Variants in IFT74 observed in about 807,000 individuals in gnomAD.
The protein encoded by IFT74 is intraflagellar transport 74.
Under a neutral mutation model 96.7 loss-of-function variants are expected in IFT74, and 92 were observed. The ratio of observed to expected loss-of-function variants is 0.95; its 90% CI spans 0.80 to 1.13. The LOEUF is 1.13. Ranked by LOEUF, IFT74 falls within the 50% of genes most tolerant of loss-of-function variation. The probability of loss-of-function intolerance (pLI) is 0.00; values close to 1 mark genes in which losing one functional copy is unlikely to be tolerated. For synonymous variants in IFT74, 223 were observed against 213.2 expected, an observed-to-expected ratio of 1.05 and a Z score of -0.40; for missense variants, 811 against 698.2, an observed-to-expected ratio of 1.16 and a Z score of -1.82.
At chr9:27,028,956 C>G in intron 12 of IFT74, 69 bp from the exon 13 acceptor site, 4 of 1,371,162 alleles carry the variant, frequency 2.9e-6, no homozygotes, top group Non-Finnish European at 4.0e-6. Context: ...GATATCTAAC[C>G]TCCCCATCAA....
In IFT74 at chr9:27,062,777, C is replaced by A; in HGVS notation, c.*41C>A. ...AAGTCTCTAAGGAAGTATCCTCTTGCTGCTAAACTTGGTACAAGTTGACTA... is the reference window on the plus strand; with the variant it reads ...AAGTCTCTAAGGAAGTATCCTCTTGATGCTAAACTTGGTACAAGTTGACTA... On this transcript the variant is annotated 3_prime_UTR_variant, in exon 20 of 20. Coordinates refer to ENST00000380062, the MANE Select transcript of IFT74 (RefSeq NM_025103.4). The A allele has an allele frequency of 9.7e-7, 1 of 1,036,198 alleles. No individual in the cohort carries two copies. The highest frequency in any genetic ancestry group is 1.4e-6 in the Non-Finnish European group (1 of 695,934). 64.2% of individuals were successfully genotyped at this position (1,036,198 alleles called of 1,614,324 possible). A position where few individuals can be genotyped will look rare whatever the true frequency, so the allele number is the denominator to read the frequency against.
intron 13 of IFT74, among the ~76,000 whole-genome samples, chr9:27,036,098 A>G (rs1250025636): frequency 1.3e-5 from 2 of 152,270 alleles, no homozygotes; most frequent in South Asian, 2.1e-4. Flanking sequence ...TAAGAGAACT[A>G]TAAAGATTTT....
chr9:27,046,390 G>A (rs532597706), intron 14 of IFT74, among the ~76,000 whole-genome samples: 2 of 152,220 alleles, frequency 1.3e-5, no homozygotes, highest in East Asian at 3.9e-4. Flanking sequence ...CAGAAGGCAA[G>A]CTATTGATGT....
chr9:27,032,667 A>G (rs1026453736), intron 13 of IFT74, among the ~76,000 whole-genome samples: 4 of 151,972 alleles, frequency 2.6e-5, no homozygotes, highest in Non-Finnish European at 4.4e-5. Flanking sequence ...GGAGTTCGAG[A>G]CCAGCCTGAC....
At chr9:26,999,604 A>T in intron 8 of IFT74, 1 of 1,564,028 alleles carries the variant, frequency 6.4e-7, no homozygotes, top group Non-Finnish European at 8.7e-7. Context: ...TTTTGATTGT[A>T]AAAACTTACT....
intron 8 of IFT74, chr9:26,997,823 T>G (rs1258113949): frequency 1.2e-6 from 2 of 1,614,170 alleles, no homozygotes; most frequent in Non-Finnish European, 1.7e-6. Flanking sequence ...TAATTCCAGA[T>G]GAAATAGTGG....
chr9:27,012,127 A>T lies in IFT74; in HGVS notation c.789+159A>T, dbSNP rs1383338568. ...CCTATTCTGGACCCACAAAGATCCT[A>T]GTATGGTAAGAAATTAGATTCAGTT... On this transcript the variant is annotated intron_variant, in intron 10 of 19. Coordinates refer to ENST00000380062, the MANE Select transcript of IFT74 (RefSeq NM_025103.4). 6.6e-5 allele frequency among the ~76,000 whole-genome samples: 10 copies of T among 152,330 alleles called. No homozygotes were observed. In the East Asian group the frequency reaches 1.5e-3, roughly 23 times the overall value.
chr9:27,055,606 C>T lies in IFT74; in HGVS notation c.1334-3C>T. On this transcript the variant is annotated splice_polypyrimidine_tract_variant and splice_region_variant and intron_variant, in intron 16 of 19. Transcript: ENST00000380062. ...ATTATCACCTTAAATTCTTATGTTTCAGACATTCAACGTCTGCAGTTGGAT... is the reference window on the plus strand; with the variant it reads ...ATTATCACCTTAAATTCTTATGTTTTAGACATTCAACGTCTGCAGTTGGAT... The T allele has an allele frequency of 6.4e-6, 10 of 1,566,762 alleles. No individual in the cohort carries two copies. Among genetic ancestry groups the T allele is most frequent in the Non-Finnish European group, 8.6e-6 (10 of 1,162,306 alleles).
chr9:26,963,205 G>T (rs556774528), intron 2 of IFT74, among the ~76,000 whole-genome samples: 2 of 151,394 alleles, frequency 1.3e-5, no homozygotes, highest in African/African-American at 4.9e-5. Context: ...GAGAATATGC[G>T]GTGTTTGGTT....
rs554756773 is a variant in IFT74 at position 26,995,903 on chromosome 9, A to C, written c.587+5708A>C. The C allele has an allele frequency of 6.5e-6, 8 of 1,238,030 alleles. No homozygotes were observed. The African/African-American group carries it at 1.2e-4, about 19-fold the overall frequency. The allele number at this position is 1,238,030 out of a possible 1,614,324, so 76.7% of individuals were successfully genotyped here. A position where few individuals can be genotyped will look rare whatever the true frequency, so the allele number is the denominator to read the frequency against. ...GAAAGAAAATTTGTTAAGTTGGCAA[A>C]ATAATCATAATTATATATCCTAATT... On this transcript the variant is annotated intron_variant, in intron 8 of 19. Transcript: ENST00000380062.
At chr9:27,043,333 C>G (rs900411825) in intron 13 of IFT74, among the ~76,000 whole-genome samples, 1 of 152,198 alleles carries the variant, frequency 6.6e-6, no homozygotes, top group Non-Finnish European at 1.5e-5. Context: ...GGCAGAAAAG[C>G]TGTTTGCTAA....
At chr9:27,015,847 A>G (rs1435978892) in intron 10 of IFT74, among the ~76,000 whole-genome samples, 1 of 152,244 alleles carries the variant, frequency 6.6e-6, no homozygotes, top group Non-Finnish European at 1.5e-5. Flanking sequence ...TAGCATATAA[A>G]TAACATGTAG....
intron 8 of IFT74, among the ~76,000 whole-genome samples, chr9:26,997,330 CTTTTTTTTTTTTT>C: frequency 8.1e-6 from 1 of 123,598 alleles, no homozygotes; most frequent in East Asian, 2.9e-4. Context: ...GTTTCCTTTC[CTTTTTTTTTTTTT>C]TTTTTTTTGA....
chr9:27,047,932 G>T (rs1226666770), intron 15 of IFT74, among the ~76,000 whole-genome samples: 3 of 151,180 alleles, frequency 2.0e-5, no homozygotes, highest in African/African-American at 7.3e-5. Flanking sequence ...TAAAGGAAAT[G>T]AAAAAAAACC....
At chr9:27,061,030 AT>A in intron 19 of IFT74, 1 of 250,236 alleles carries the variant, frequency 4.0e-6, no homozygotes, top group South Asian at 4.2e-5. Context: ...TTTTCTAGGA[AT>A]TTTTTTAAAG....
At chr9:26,970,481 T>G (rs1301598630) in intron 2 of IFT74, among the ~76,000 whole-genome samples, 1 of 152,232 alleles carries the variant, frequency 6.6e-6, no homozygotes, top group African/African-American at 2.4e-5. Context: ...AGTGAATACA[T>G]ATACATCCAC....
At position 26,947,222 on chromosome 9, in the gene IFT74, G is replaced by T. The variant is rs1446299627; in HGVS notation, c.-20+76G>T. 1.2e-5 allele frequency: 8 copies of T among 664,106 alleles called. No individual in the cohort carries two copies. The East Asian group carries it at 1.9e-4, about 16-fold the overall frequency. 41.1% of individuals were successfully genotyped at this position (664,106 alleles called of 1,614,324 possible). A position where few individuals can be genotyped will look rare whatever the true frequency, so the allele number is the denominator to read the frequency against. ...GGCTGGGAAGGGGCGCGCCGAGCGG[G>T]CCGAGTGACACAGCAAGCCTGACAG... On this transcript the variant is annotated intron_variant, in intron 1 of 19. Transcript: ENST00000433700.
intron 3 of IFT74, among the ~76,000 whole-genome samples, chr9:26,979,206 C>A (rs1222386586): frequency 2.0e-5 from 3 of 151,146 alleles, no homozygotes; most frequent in African/African-American, 7.3e-5. Context: ...ACATCTAAAT[C>A]ACTAAATATT....
chr9:27,017,726 A>G (rs1344342663), intron 11 of IFT74, among the ~76,000 whole-genome samples: 1 of 152,232 alleles, frequency 6.6e-6, no homozygotes, highest in Non-Finnish European at 1.5e-5. Context: ...CATGAAGAGA[A>G]TGGAATTAAA....
Sources: gnomAD v4.1 joint callset for allele counts (sites outside exome capture counted in the v4.1 genomes callset) on GRCh38, gnomAD v4.1.1 for gene constraint, MANE v1.5 for transcripts, NCBI Gene and HGNC (gene_info 2026-07-23, HGNC 2026-07-21) for gene names.